Variants in FGF14 observed in about 807,000 individuals in gnomAD.
FGF14 encodes fibroblast growth factor homologous factor 4.
In FGF14, 5 loss-of-function variants were observed where a neutral mutation model predicts 25.5. That is an observed-to-expected ratio of 0.20 (90% CI 0.10 to 0.41). The LOEUF is 0.41. Among genes scored for constraint, FGF14 ranks in the 10% least tolerant of loss-of-function variants. FGF14 has a pLI of 1.00. For missense variants in FGF14, 222 were observed against 320.1 expected, an observed-to-expected ratio of 0.69 and a Z score of 2.34; for synonymous variants, 138 against 118.3, an observed-to-expected ratio of 1.17 and a Z score of -1.08.
At chr13:101,990,116 C>G (rs1232340486) in intron 1 of FGF14, among the ~76,000 whole-genome samples, 1 of 152,110 alleles carries the variant, frequency 6.6e-6, no homozygotes, top group Non-Finnish European at 1.5e-5. Context: ...AAGAAAAACT[C>G]TAATTGAATC....
At chr13:101,960,255 TAGGTAAAC>T (rs2036762626) in intron 1 of FGF14, among the ~76,000 whole-genome samples, 1 of 152,224 alleles carries the variant, frequency 6.6e-6, no homozygotes. Flanking sequence ...GTTTGTTACA[TAGGTAAAC>T]ATGTCCTATG....
chr13:102,212,089 A>G (rs1354362442), intron 1 of FGF14, among the ~76,000 whole-genome samples: 1 of 152,022 alleles, frequency 6.6e-6, no homozygotes, highest in Non-Finnish European at 1.5e-5. Flanking sequence ...TAAACAGATG[A>G]CCCTGATTCC....
At chr13:101,873,920 G>A (rs920521019) in intron 2 of FGF14, among the ~76,000 whole-genome samples, 2 of 151,726 alleles carry the variant, frequency 1.3e-5, no homozygotes, top group Non-Finnish European at 2.9e-5. Flanking sequence ...AAATAAAAAA[G>A]AGTGATATGA....
At chr13:101,893,449 C>G (rs184097576) in intron 1 of FGF14, among the ~76,000 whole-genome samples, 1 of 152,022 alleles carries the variant, frequency 6.6e-6, no homozygotes, top group South Asian at 2.1e-4. Flanking sequence ...CATTCTTATA[C>G]CTGAAGTGTG....
At chr13:102,147,865 G>C (rs758175065) in intron 1 of FGF14, among the ~76,000 whole-genome samples, 41 of 152,202 alleles carry the variant, frequency 2.7e-4, no homozygotes, top group Non-Finnish European at 4.4e-4. Flanking sequence ...ATCTCAATAG[G>C]GAAAAACTGT....
chr13:101,794,514 ACTAATAT>A (rs1354689548), intron 3 of FGF14, among the ~76,000 whole-genome samples: 1 of 152,064 alleles, frequency 6.6e-6, no homozygotes, highest in Non-Finnish European at 1.5e-5. Context: ...TGATACACGA[ACTAATAT>A]CACAGACAGG....
intron 1 of FGF14, among the ~76,000 whole-genome samples, chr13:101,963,606 C>T (rs1385545451): frequency 3.3e-5 from 5 of 152,204 alleles, no homozygotes; most frequent in African/African-American, 2.4e-5. Context: ...GAGCTCCTGA[C>T]CATGGCTTTC....
chr13:102,019,905 C>T (rs2040545567), intron 1 of FGF14, among the ~76,000 whole-genome samples: 1 of 152,068 alleles, frequency 6.6e-6, no homozygotes, highest in African/African-American at 2.4e-5. Flanking sequence ...ATTATGGATG[C>T]CTTTCATAGG....
chr13:102,300,435 C>T (rs2054971551), intron 1 of FGF14, among the ~76,000 whole-genome samples: 1 of 152,160 alleles, frequency 6.6e-6, no homozygotes, highest in African/African-American at 2.4e-5. Context: ...TATTCAACAG[C>T]TGAAAAGTGT....
intron 1 of FGF14, among the ~76,000 whole-genome samples, chr13:101,901,082 A>G (rs899429454): frequency 2.6e-5 from 4 of 152,192 alleles, no homozygotes; most frequent in Non-Finnish European, 4.4e-5. Context: ...AATGGACAGA[A>G]AGAGGATTAT....
intron 1 of FGF14, among the ~76,000 whole-genome samples, chr13:101,981,431 C>T (rs187550688): frequency 3.6e-3 from 543 of 152,252 alleles, no homozygotes; most frequent in Middle Eastern, 6.8e-3. Flanking sequence ...TCCCAGCCAC[C>T]AGGGCAGTGA....
At chr13:102,348,401 A>G (rs1487845786) in intron 1 of FGF14, among the ~76,000 whole-genome samples, 1 of 152,206 alleles carries the variant, frequency 6.6e-6, no homozygotes, top group East Asian at 1.9e-4. Flanking sequence ...ACAACCAGTG[A>G]GAGATGAAAA....
At chr13:101,839,148 T>C (rs1566960830) in intron 3 of FGF14, among the ~76,000 whole-genome samples, 1 of 152,070 alleles carries the variant, frequency 6.6e-6, no homozygotes, top group Non-Finnish European at 1.5e-5. Context: ...TAGAACCTAA[T>C]AATTTTAACA....
chr13:101,983,003 C>T (rs2038355997), intron 1 of FGF14, among the ~76,000 whole-genome samples: 1 of 152,146 alleles, frequency 6.6e-6, no homozygotes, highest in African/African-American at 2.4e-5. Flanking sequence ...TAGAAGTTCT[C>T]ATGGAAACAA....
chr13:102,387,824 C>A (rs974280167), intron 1 of FGF14, among the ~76,000 whole-genome samples: 7 of 152,094 alleles, frequency 4.6e-5, no homozygotes, highest in African/African-American at 1.7e-4. Flanking sequence ...CTCTGCCTCC[C>A]AGGTTCAAGC....
intron 1 of FGF14, among the ~76,000 whole-genome samples, chr13:102,247,629 AC>A (rs749058374): frequency 5.9e-5 from 9 of 152,198 alleles, no homozygotes; most frequent in Non-Finnish European, 1.2e-4. Context: ...GAATGCTTAT[AC>A]ACTGTTGGAG....
chr13:102,200,051 G>GTGGCC (rs1453592205), intron 1 of FGF14, among the ~76,000 whole-genome samples: 2 of 152,190 alleles, frequency 1.3e-5, no homozygotes, highest in African/African-American at 4.8e-5. Context: ...TTAATATCAT[G>GTGGCC]TGGCCTCAGT....
At chr13:102,098,528 A>G (rs550841) in intron 1 of FGF14, among the ~76,000 whole-genome samples, 9,793 of 152,346 alleles carry the variant, frequency 0.064, 552 homozygotes, top group African/African-American at 0.15. Flanking sequence ...AACTTTTGTT[A>G]AAATATTTAT....
chr13:101,859,935 C>T (rs1005890057), intron 3 of FGF14, among the ~76,000 whole-genome samples: 1 of 152,066 alleles, frequency 6.6e-6, no homozygotes, highest in Admixed American at 6.6e-5. Context: ...TTATTAAATA[C>T]AGTTTTATCT....
Sources: gnomAD v4.1 joint callset for allele counts (sites outside exome capture counted in the v4.1 genomes callset) on GRCh38, gnomAD v4.1.1 for gene constraint, MANE v1.5 for transcripts, NCBI Gene and HGNC (gene_info 2026-07-23, HGNC 2026-07-21) for gene names.